TENM3: variants seen among roughly 807,000 people sequenced by gnomAD.
The protein encoded by TENM3 is teneurin-3.
A neutral mutation model predicts 255.1 loss-of-function variants in TENM3; 63 were observed. The ratio of observed to expected loss-of-function variants is 0.25; its 90% CI spans 0.20 to 0.30. The LOEUF (loss-of-function observed/expected upper bound fraction) is 0.30. Ranked by LOEUF, TENM3 falls within the 10% of genes least tolerant of loss-of-function variation. The pLI is 1.00. For synonymous variants in TENM3, 1,306 were observed against 1,322.3 expected (o/e 0.99, Z 0.27); for missense variants, 2,929 against 3,461.1 (o/e 0.85, Z 3.86).
intron 3 of TENM3, among the ~76,000 whole-genome samples, chr4:182,485,352 C>T (rs932907125): frequency 5.9e-5 from 9 of 151,688 alleles, no homozygotes; most frequent in African/African-American, 2.2e-4. Context: ...ATGAACATTT[C>T]AGATGACTTC....
chr4:182,800,960 A>C lies in TENM3; in HGVS notation c.*609A>C, dbSNP rs914924242. 2 of 152,702 alleles carry C rather than the reference A, an allele frequency of 1.3e-5. No homozygotes were observed. The highest frequency in any genetic ancestry group is 4.8e-5 in the African/African-American group (2 of 41,468). 9.5% of individuals were successfully genotyped at this position (152,702 alleles called of 1,614,324 possible). A position where few individuals can be genotyped will look rare whatever the true frequency, so the allele number is the denominator to read the frequency against. Reference sequence around the variant, plus strand: ...AAAACTGGCAACTAGAATCCTTGTCACTGATAAGCAAAGGAAATCCTGATT... The same window carrying C: ...AAAACTGGCAACTAGAATCCTTGTCCCTGATAAGCAAAGGAAATCCTGATT... On this transcript the variant is annotated 3_prime_UTR_variant, in exon 28 of 28. Transcript: ENST00000511685.
chr4:181,914,695 A>T, the TENM3 span, among the ~76,000 whole-genome samples: 2 of 152,196 alleles, frequency 1.3e-5, no homozygotes, highest in Non-Finnish European at 2.9e-5. Context: ...AAGATGGCTA[A>T]CGCTGAGAGA....
chr4:182,294,438 T>C (rs1319206975), intron 1 of TENM3, among the ~76,000 whole-genome samples: 1 of 152,158 alleles, frequency 6.6e-6, no homozygotes, highest in African/African-American at 2.4e-5. Context: ...GACTTTTTTT[T>C]TTTTAAGTGG....
the TENM3 span, among the ~76,000 whole-genome samples, chr4:181,453,327 G>A: frequency 1.2e-3 from 183 of 152,262 alleles, no homozygotes; most frequent in African/African-American, 3.6e-3. Context: ...GGGAAGCTTG[G>A]GGAGGGACAG....
the TENM3 span, among the ~76,000 whole-genome samples, chr4:181,824,602 A>C: frequency 6.6e-6 from 1 of 152,214 alleles, no homozygotes; most frequent in African/African-American, 2.4e-5. Flanking sequence ...ATGAAGGGGA[A>C]AGGTGAAAAA....
At chr4:181,979,081 G>T in the TENM3 span, among the ~76,000 whole-genome samples, 1 of 92,020 alleles carries the variant, frequency 1.1e-5, no homozygotes, top group Non-Finnish European at 2.0e-5. Context: ...CAAAATATAT[G>T]CTACATTAAG....
At chr4:182,693,861 A>C (rs758996529) in intron 12 of TENM3, among the ~76,000 whole-genome samples, 1 of 152,228 alleles carries the variant, frequency 6.6e-6, no homozygotes, top group African/African-American at 2.4e-5. Context: ...CAATAAATTC[A>C]AGTTTTAATT....
chr4:182,434,579 C>T (rs1050894331), intron 3 of TENM3, among the ~76,000 whole-genome samples: 4 of 151,678 alleles, frequency 2.6e-5, no homozygotes, highest in Non-Finnish European at 4.4e-5. Flanking sequence ...AGGAGAATCA[C>T]TTGAACCCAG....
the TENM3 span, among the ~76,000 whole-genome samples, chr4:181,916,851 G>A: frequency 2.0e-5 from 3 of 152,072 alleles, no homozygotes; most frequent in Non-Finnish European, 4.4e-5. Context: ...AATCCAGCCT[G>A]GTGACAGCAA....
rs369121953 is a variant in TENM3, at chr4:182,729,033, C to T, written c.2437C>T (p.Arg813Trp). 8.9e-5 allele frequency: 144 copies of T among 1,613,988 alleles called. No individual in the cohort carries two copies. The highest frequency in any genetic ancestry group is 1.1e-4 in the Non-Finnish European group (127 of 1,179,880). ...QSSCQNQPYCRGLPDPQDIIS... is the reference protein window; with the variant it reads ...QSSCQNQPYCWGLPDPQDIIS... ...TTCCTGCCAGAATCAGCCCTATTGT[C>T]GGGGACTGCCGGATCCTCAGGACAT... The change falls in exon 14 of 28, where the codon CGG (arginine) becomes TGG (tryptophan). Residue 813 changes from arginine to tryptophan, a missense_variant. Around this residue, in one of 6 missense-constraint regions of TENM3, gnomAD observed 1,608 missense variants for 1,884.4 expected, o/e 0.85. Transcript: ENST00000511685.
At chr4:181,465,156 A>G in the TENM3 span, among the ~76,000 whole-genome samples, 74 of 151,762 alleles carry the variant, frequency 4.9e-4, no homozygotes, top group East Asian at 5.8e-3. Flanking sequence ...GTTCAACCTC[A>G]TTCTTCAAAG....
intron 3 of TENM3, among the ~76,000 whole-genome samples, chr4:182,390,161 C>G (rs1301925119): frequency 6.6e-6 from 1 of 152,144 alleles, no homozygotes; most frequent in African/African-American, 2.4e-5. Flanking sequence ...ATCTGCACAG[C>G]CAGCTGTTCC....
chr4:182,272,647 A>G (rs551063640), intron 1 of TENM3, among the ~76,000 whole-genome samples: 16 of 152,368 alleles, frequency 1.1e-4, no homozygotes, highest in African/African-American at 3.6e-4. Context: ...GTTACTAGTC[A>G]TAATGATAAA....
chr4:182,376,203 T>G (rs147858489), intron 3 of TENM3, among the ~76,000 whole-genome samples: 1 of 152,212 alleles, frequency 6.6e-6, no homozygotes, highest in Non-Finnish European at 1.5e-5. Context: ...TGTAGAATAC[T>G]GTAAGGGGAA....
the TENM3 span, among the ~76,000 whole-genome samples, chr4:181,574,462 C>T: frequency 4.0e-5 from 6 of 150,722 alleles, no homozygotes; most frequent in Admixed American, 6.6e-5. Flanking sequence ...ACCCGGGAGG[C>T]GGAGCTTGCA....
chr4:182,379,651 A>AC (rs1188272191), intron 3 of TENM3, among the ~76,000 whole-genome samples: 1 of 151,458 alleles, frequency 6.6e-6, no homozygotes, highest in Non-Finnish European at 1.5e-5. Context: ...GTGTGGATGT[A>AC]CCATTAAGGA....
At chr4:181,962,338 A>G in the TENM3 span, among the ~76,000 whole-genome samples, 1 of 152,316 alleles carries the variant, frequency 6.6e-6, no homozygotes, top group East Asian at 1.9e-4. Context: ...TACTTGTAAG[A>G]TGGGTAAGCA....
chr4:181,653,047 A>C, the TENM3 span, among the ~76,000 whole-genome samples: 2 of 152,212 alleles, frequency 1.3e-5, no homozygotes, highest in African/African-American at 2.4e-5. Context: ...AAAAATCGGC[A>C]GCTGACATTA....
the TENM3 span, among the ~76,000 whole-genome samples, chr4:181,621,669 A>G: frequency 6.6e-6 from 1 of 152,182 alleles, no homozygotes; most frequent in East Asian, 1.9e-4. Context: ...CATCCCTCCA[A>G]TATTCTCAGA....
Sources: gnomAD v4.1 joint callset for allele counts (sites outside exome capture counted in the v4.1 genomes callset) on GRCh38, gnomAD v4.1.1 for gene constraint, gnomAD v4.1.1 regional missense constraint, MANE v1.5 for transcripts, NCBI Gene and HGNC (gene_info 2026-07-23, HGNC 2026-07-21) for gene names.